The following DISC1 variants were observed in gnomAD, a reference collection of about 807,000 sequenced individuals.
DISC1 encodes the protein disrupted in schizophrenia 1 protein.
A neutral mutation model predicts 84.5 loss-of-function variants in DISC1; 57 were observed. The observed-to-expected ratio is 0.67, with a 90% CI of 0.55 to 0.84. The LOEUF (loss-of-function observed/expected upper bound fraction) is 0.84. Ranked by LOEUF, DISC1 falls within the 40% of genes least tolerant of loss-of-function variation. The pLI is 0.00. For synonymous variants in DISC1, 411 were observed against 415.2 expected (o/e 0.99, Z 0.12); for missense variants, 1,000 against 1,057.8 (o/e 0.95, Z 0.76).
chr1:232,008,846 A>C lies in DISC1; in HGVS notation c.2104A>C (p.Ile702Leu). The part of the protein sequence containing the change: ...EADLEACRLL[I>L]QSLQLQEARG... ...TGACTTGGAAGCTTGTCGATTGCTT[A>C]TCCAGAGCCTACAGCTCCAGGAAGC... The change falls in exon 11 of 13, where the codon ATC becomes CTC. Residue 702 changes from isoleucine to leucine, a missense_variant. Around this residue, in one of 3 missense-constraint regions of DISC1, gnomAD observed 397 missense variants for 377.5 expected, o/e 1.05. Transcript: ENST00000439617. The C allele has an allele frequency of 6.2e-7, 1 of 1,612,256 alleles. No individual in the cohort carries two copies. Among genetic ancestry groups the C allele is most frequent in the Middle Eastern group, 1.7e-4 (1 of 6,048 alleles).
rs149668982 is a variant in DISC1, at chr1:231,964,113, C to T, written c.2042+5225C>T. On this transcript the variant is annotated intron_variant, in intron 10 of 12. Transcript: ENST00000439617. ...GTGGCAGAAATTGGGCATAAGACAA[C>T]ATGAGAGGTGGTCTCCTCCCTTAAT... Among the ~76,000 whole-genome samples the T allele has an allele frequency of 3.7e-3, 561 of 152,274 alleles. 7 individuals carry two copies. Among genetic ancestry groups the T allele is most frequent in the African/African-American group, 0.013 (532 of 41,538 alleles).
At position 231,694,447 on chromosome 1, in the gene DISC1, C is replaced by T. The variant is rs759594286; in HGVS notation, c.689C>T (p.Pro230Leu). Residue 230 changes from proline to leucine, a missense_variant, in exon 2 of 13, where the codon CCA becomes CTA. Around this residue, in one of 3 missense-constraint regions of DISC1, gnomAD observed 311 missense variants for 400.1 expected, o/e 0.78. Coordinates refer to ENST00000439617, the MANE Select transcript of DISC1 (RefSeq NM_018662.3). ...AGERGEAEGC[P>L]PSREAESHCQ... ...GAACGTGGAGAAGCAGAAGGCTGCC[C>T]ACCATCCAGAGAGGCTGAGTCCCAT... 10 of 1,614,268 alleles carry T rather than the reference C, an allele frequency of 6.2e-6. No homozygotes were observed. The highest frequency in any genetic ancestry group is 8.5e-6 in the Non-Finnish European group (10 of 1,180,048).
chr1:231,888,231 A>G (rs1196571992), intron 9 of DISC1, among the ~76,000 whole-genome samples: 2 of 152,172 alleles, frequency 1.3e-5, no homozygotes, highest in Admixed American at 6.5e-5. Flanking sequence ...GGATGGATTT[A>G]TGAGTCAAGA....
intron 9 of DISC1, among the ~76,000 whole-genome samples, chr1:231,840,707 T>G (rs6664512): frequency 0.47 from 71,440 of 151,534 alleles, 17,121 homozygotes; most frequent in Middle Eastern, 0.53. Flanking sequence ...TTTTTTTTTT[T>G]TTGTTGTTGT....
intron 3 of DISC1, among the ~76,000 whole-genome samples, chr1:231,744,869 A>G (rs910997635): frequency 3.9e-5 from 6 of 152,200 alleles, no homozygotes; most frequent in Non-Finnish European, 8.8e-5. Flanking sequence ...CTCATAAACA[A>G]TTGTTTAAAG....
rs1364535717 is a variant in DISC1 at position 231,826,544 on chromosome 1, A to T, written c.1981+8027A>T. Among the ~76,000 whole-genome samples the T allele has an allele frequency of 2.0e-5, 3 of 152,184 alleles. No homozygotes were observed. Among genetic ancestry groups the T allele is most frequent in the Admixed American group, 6.5e-5 (1 of 15,286 alleles). Reference sequence around the variant, plus strand: ...TAGCAGATGGATAATTTAACTCAGTAGTAGGAGGTTCTATAGGTTATCACC... The same window carrying T: ...TAGCAGATGGATAATTTAACTCAGTTGTAGGAGGTTCTATAGGTTATCACC... On this transcript the variant is annotated intron_variant, in intron 9 of 12. Coordinates refer to ENST00000439617, the MANE Select transcript of DISC1 (RefSeq NM_018662.3). The surrounding 1 kb of genome is among the most constrained non-coding windows in gnomAD (Gnocchi z 4.2).
chr1:232,029,404 A>G (rs1669786944), intron 12 of DISC1, among the ~76,000 whole-genome samples: 1 of 152,226 alleles, frequency 6.6e-6, no homozygotes, highest in Admixed American at 6.5e-5. Context: ...AGGCTCCCCT[A>G]CACAAACCAA....
chr1:232,028,335 A>G (rs1432593505), intron 12 of DISC1, among the ~76,000 whole-genome samples: 1 of 152,104 alleles, frequency 6.6e-6, no homozygotes, highest in Non-Finnish European at 1.5e-5. Context: ...AGCAGTTCTG[A>G]GGGCTGCAGT....
intron 9 of DISC1, among the ~76,000 whole-genome samples, chr1:231,824,000 G>A (rs982625639): frequency 2.6e-5 from 4 of 152,124 alleles, no homozygotes; most frequent in Admixed American, 2.6e-4. Context: ...TAGGGCTTGG[G>A]CTAGTGAAGT....
chr1:231,886,766 C>CTTTCTTTCCTTCTTT (rs2086723179), intron 9 of DISC1, among the ~76,000 whole-genome samples: 1 of 84,380 alleles, frequency 1.2e-5, no homozygotes, highest in African/African-American at 4.6e-5. Context: ...TTCCTTCCTT[C>CTTTCTTTCCTTCTTT]CTTTCTTTCT....
chr1:231,762,215 C>T (rs141581625), intron 4 of DISC1, among the ~76,000 whole-genome samples: 6 of 80,318 alleles, frequency 7.5e-5, no homozygotes, highest in African/African-American at 2.8e-4. Context: ...TTTCTTTTCT[C>T]TTCTTTTCTT....
intron 6 of DISC1, among the ~76,000 whole-genome samples, chr1:231,778,365 A>G (rs894187277): frequency 1.3e-5 from 2 of 152,214 alleles, no homozygotes; most frequent in Admixed American, 6.5e-5. Flanking sequence ...GCACTTTAGT[A>G]TTTTATGAAA....
intron 8 of DISC1, 25 bp from the exon 9 acceptor site, chr1:231,818,301 CCTT>C: frequency 6.2e-7 from 1 of 1,611,360 alleles, no homozygotes; most frequent in Non-Finnish European, 8.5e-7. Context: ...GCTTGTTTTC[CCTT>C]CTTCTCTCCC....
chr1:231,781,593 T>C (rs547037926), intron 6 of DISC1, among the ~76,000 whole-genome samples: 2 of 152,382 alleles, frequency 1.3e-5, no homozygotes, highest in Admixed American at 1.3e-4. Flanking sequence ...GTCTTTCTCC[T>C]AGTCGATTTC....
At chr1:231,849,289 T>A (rs952328257) in intron 9 of DISC1, among the ~76,000 whole-genome samples, 1 of 152,062 alleles carries the variant, frequency 6.6e-6, no homozygotes, top group Non-Finnish European at 1.5e-5. Flanking sequence ...CTCGGCTAAT[T>A]GTGTATTTTT....
chr1:231,751,715 A>G (rs904512446), intron 4 of DISC1, among the ~76,000 whole-genome samples: 9 of 152,326 alleles, frequency 5.9e-5, no homozygotes, highest in African/African-American at 2.2e-4. Context: ...TAGAAGTGAC[A>G]TCATACAATA....
At chr1:231,972,586 A>G (rs894937598) in intron 10 of DISC1, among the ~76,000 whole-genome samples, 1 of 152,232 alleles carries the variant, frequency 6.6e-6, no homozygotes, top group Non-Finnish European at 1.5e-5. Flanking sequence ...AGAAGAATTC[A>G]GTGGGACAAT....
At chr1:231,674,066 C>T (rs2062895790) in intron 1 of DISC1, among the ~76,000 whole-genome samples, 2 of 152,158 alleles carry the variant, frequency 1.3e-5, no homozygotes, top group South Asian at 4.1e-4. Context: ...TCCTATAAAC[C>T]TCAGTGATCT....
intron 4 of DISC1, 132 bp from the exon 5 acceptor site, chr1:231,767,008 A>G (rs1463095038): frequency 8.3e-7 from 1 of 1,206,192 alleles, no homozygotes; most frequent in Non-Finnish European, 1.2e-6. Context: ...CATCCTAAAA[A>G]CAGGTAAGTA....
Sources: allele counts gnomAD v4.1 joint callset (sites outside exome capture counted in the v4.1 genomes callset), GRCh38; gene constraint gnomAD v4.1.1; regional missense constraint gnomAD v4.1.1; non-coding constraint Gnocchi (gnomAD v3.1); transcripts MANE v1.5; gene names NCBI Gene and HGNC (gene_info 2026-07-23, HGNC 2026-07-21).